AUH: variants seen among roughly 807,000 people sequenced by gnomAD.
AUH encodes the protein methylglutaconyl-CoA hydratase, mitochondrial.
AUH carries 29 observed loss-of-function variants against 42.3 expected under a neutral mutation model. That is an observed-to-expected ratio of 0.69 (90% CI 0.51 to 0.93). AUH has a LOEUF of 0.93. Ranked by LOEUF, AUH falls within the 40% of genes least tolerant of loss-of-function variation. The probability of loss-of-function intolerance (pLI) is 0.00; values close to 1 mark genes in which losing one functional copy is unlikely to be tolerated. For missense variants in AUH, 452 were observed against 438.1 expected, an observed-to-expected ratio of 1.03 and a Z score of -0.28; for synonymous variants, 174 against 166.4, an observed-to-expected ratio of 1.05 and a Z score of -0.35.
Position 91,361,706 on chromosome 9 carries a change from C to T in AUH, c.184G>A (p.Ala62Thr). The change falls in exon 1 of 10, where the codon GCC (alanine) becomes ACC (threonine). Residue 62 changes from alanine to threonine, a missense_variant. Ala to Thr is a moderately conservative substitution (Grantham distance 58). Transcript: ENST00000375731. ...TCAGAGCTGTAGCCCCTTTTCGGGGCGGGACCCCCGGCCGCAGGTACCCAG... is the reference window on the plus strand; with the variant it reads ...TCAGAGCTGTAGCCCCTTTTCGGGGTGGGACCCCCGGCCGCAGGTACCCAG... ...QGWVPAAGGP[A>T]PKRGYSSEMK... The T allele has an allele frequency of 6.4e-7, 1 of 1,554,854 alleles. No homozygotes were observed. Among genetic ancestry groups the T allele is most frequent in the Non-Finnish European group, 8.7e-7 (1 of 1,149,686 alleles).
intron 3 of AUH, 77 bp from the exon 4 acceptor site, chr9:91,325,481 G>A: frequency 8.3e-7 from 1 of 1,204,406 alleles, no homozygotes; most frequent in Non-Finnish European, 1.2e-6. Context: ...ATTTACTTAA[G>A]ATTAGTATAC....
intron 6 of AUH, among the ~76,000 whole-genome samples, chr9:91,227,770 T>G (rs543058586): frequency 6.6e-6 from 1 of 152,330 alleles, no homozygotes; most frequent in African/African-American, 2.4e-5. Flanking sequence ...GAAGCATTGT[T>G]GAATTTTGTC....
chr9:91,331,409 A>C (rs1830315806), intron 3 of AUH, among the ~76,000 whole-genome samples: 2 of 152,188 alleles, frequency 1.3e-5, no homozygotes, highest in South Asian at 4.1e-4. Flanking sequence ...ATTCAATAAG[A>C]TTTCATATGT....
chr9:91,237,413 G>T (rs982100309), intron 6 of AUH, among the ~76,000 whole-genome samples: 1 of 152,134 alleles, frequency 6.6e-6, no homozygotes, highest in African/African-American at 2.4e-5. Flanking sequence ...AAAGTAAGAG[G>T]ATAAAAACAC....
chr9:91,260,658 TA>T (rs1829661591), intron 6 of AUH, among the ~76,000 whole-genome samples: 5 of 152,200 alleles, frequency 3.3e-5, no homozygotes, highest in African/African-American at 1.2e-4. Flanking sequence ...CTTGCAGAAG[TA>T]AAAATTAATT....
intron 6 of AUH, among the ~76,000 whole-genome samples, chr9:91,291,718 T>C (rs1250136349): frequency 1.3e-5 from 2 of 152,218 alleles, no homozygotes; most frequent in Admixed American, 6.5e-5. Flanking sequence ...TCAGAATAAA[T>C]ACTCTTTTAA....
chr9:91,322,449 G>T (rs563431588), intron 4 of AUH, among the ~76,000 whole-genome samples: 13 of 152,264 alleles, frequency 8.5e-5, no homozygotes, highest in African/African-American at 3.1e-4. Context: ...GAGAAGCAGG[G>T]CCTAAAACAA....
At chr9:91,350,615 T>C (rs1339876207) in intron 3 of AUH, among the ~76,000 whole-genome samples, 2 of 151,960 alleles carry the variant, frequency 1.3e-5, no homozygotes, top group Non-Finnish European at 2.9e-5. Context: ...AAAAATTAGC[T>C]GGGCATTGCA....
At chr9:91,282,944 C>A (rs1826092139) in intron 6 of AUH, among the ~76,000 whole-genome samples, 1 of 152,156 alleles carries the variant, frequency 6.6e-6, no homozygotes, top group Non-Finnish European at 1.5e-5. Flanking sequence ...AAGAGGGAAT[C>A]TTCCCTAACT....
chr9:91,339,387 A>C (rs1254038179), intron 3 of AUH, among the ~76,000 whole-genome samples: 1 of 152,230 alleles, frequency 6.6e-6, no homozygotes, highest in Non-Finnish European at 1.5e-5. Context: ...GGTATGGATC[A>C]GCAACTCTGA....
chr9:91,304,963 T>C (rs1449814536), intron 4 of AUH, among the ~76,000 whole-genome samples: 7 of 152,224 alleles, frequency 4.6e-5, no homozygotes, highest in Non-Finnish European at 1.0e-4. Flanking sequence ...CAACTGCAGT[T>C]TGAAAATATT....
chr9:91,269,396 A>G (rs921953684), intron 6 of AUH, among the ~76,000 whole-genome samples: 2 of 152,268 alleles, frequency 1.3e-5, no homozygotes, highest in Non-Finnish European at 2.9e-5. Context: ...AAAATATGAT[A>G]GAGACAGACA....
intron 6 of AUH, among the ~76,000 whole-genome samples, chr9:91,273,539 T>C (rs1825319475): frequency 6.6e-6 from 1 of 152,242 alleles, no homozygotes; most frequent in Non-Finnish European, 1.5e-5. Context: ...TTTCACATAT[T>C]TGAACAGCAA....
intron 4 of AUH, among the ~76,000 whole-genome samples, chr9:91,313,823 CTT>C (rs983262629): frequency 4.2e-4 from 23 of 54,786 alleles, no homozygotes; most frequent in Admixed American, 5.7e-4. Context: ...CATAAACGCT[CTT>C]TTTTTTTTTT....
intron 6 of AUH, among the ~76,000 whole-genome samples, chr9:91,291,529 G>C (rs901806127): frequency 6.6e-6 from 1 of 152,058 alleles, no homozygotes; most frequent in Non-Finnish European, 1.5e-5. Flanking sequence ...AATCCTTCTG[G>C]TGTTTTTTAT....
intron 6 of AUH, among the ~76,000 whole-genome samples, chr9:91,229,842 T>C (rs1827760895): frequency 6.6e-6 from 1 of 150,884 alleles, no homozygotes; most frequent in Admixed American, 6.6e-5. Flanking sequence ...TATGAAATTC[T>C]GGGTTGAAAA....
At position 91,328,707 on chromosome 9, in the gene AUH, T is replaced by C. The variant is rs565064959; in HGVS notation, c.419-3303A>G. Among the ~76,000 whole-genome samples the C allele has an allele frequency of 2.6e-5, 4 of 152,360 alleles. No individual in the cohort carries two copies. The East Asian group carries it at 7.7e-4, about 29-fold the overall frequency. The stretch of plus-strand genomic sequence containing the variant: ...TAATGAAATAAAGGTGAAAATCGTA[T>C]ACATTTTCATTAGTTACAGAAAAAG... On this transcript the variant is annotated intron_variant, in intron 3 of 9. Transcript: ENST00000375731.
chr9:91,219,381 G>A (rs775337488), intron 7 of AUH, among the ~76,000 whole-genome samples: 18 of 152,162 alleles, frequency 1.2e-4, no homozygotes, highest in Non-Finnish European at 1.9e-4. Context: ...TGGTCATAAA[G>A]TTTTAAGCCA....
At chr9:91,256,049 T>C (rs1431218308) in intron 6 of AUH, among the ~76,000 whole-genome samples, 1 of 152,188 alleles carries the variant, frequency 6.6e-6, no homozygotes, top group Non-Finnish European at 1.5e-5. Context: ...AGTTATATCT[T>C]ATCTTAGAAA....
Sources: gnomAD v4.1 joint callset for allele counts (sites outside exome capture counted in the v4.1 genomes callset) on GRCh38, gnomAD v4.1.1 for gene constraint, MANE v1.5 for transcripts, NCBI Gene and HGNC (gene_info 2026-07-23, HGNC 2026-07-21) for gene names.